Variants in OSBPL3 observed in about 807,000 individuals in gnomAD.
OSBPL3 encodes oxysterol-binding protein-related protein 3.
A neutral mutation model predicts 120.1 loss-of-function variants in OSBPL3; 65 were observed. The ratio of observed to expected loss-of-function variants is 0.54; its 90% CI spans 0.44 to 0.67. The LOEUF (loss-of-function observed/expected upper bound fraction) is 0.67. Ranked by LOEUF, OSBPL3 falls within the 30% of genes least tolerant of loss-of-function variation. The pLI, the probability that OSBPL3 is intolerant of heterozygous loss-of-function variation, is 0.00. For synonymous variants in OSBPL3, 416 were observed against 402.6 expected (o/e 1.03, Z -0.40); for missense variants, 1,004 against 1,082.1 (o/e 0.93, Z 1.01).
rs1351187905 is a variant in OSBPL3, at chr7:24,833,063, T to C, written c.1746+1423A>G. 2.0e-5 allele frequency among the ~76,000 whole-genome samples: 3 copies of C among 152,250 alleles called. No homozygotes were observed. The highest frequency in any genetic ancestry group is 4.4e-5 in the Non-Finnish European group (3 of 68,046). ...AAAGAAAAGAGCTGTCCACAAATGCTGACTTTTAACACTTGCTTAGAAGCT... is the reference window on the plus strand; with the variant it reads ...AAAGAAAAGAGCTGTCCACAAATGCCGACTTTTAACACTTGCTTAGAAGCT... On this transcript the variant is annotated intron_variant, in intron 15 of 22. Coordinates refer to ENST00000313367, the MANE Select transcript of OSBPL3 (RefSeq NM_015550.4). This position sits in a 1 kb window ranked among gnomAD's most constrained non-coding sequence, Gnocchi z 4.4.
intron 1 of OSBPL3, among the ~76,000 whole-genome samples, chr7:24,919,077 T>C (rs1252443227): frequency 1.3e-5 from 2 of 152,172 alleles, no homozygotes; most frequent in African/African-American, 2.4e-5. Flanking sequence ...ACCTTTTATA[T>C]AAATACCGAG....
At chr7:24,858,689 G>A (rs965576162) in intron 10 of OSBPL3, among the ~76,000 whole-genome samples, 2 of 152,184 alleles carry the variant, frequency 1.3e-5, no homozygotes, top group Non-Finnish European at 2.9e-5. Context: ...TGGCAGCTCT[G>A]CAGCCAGCAG....
chr7:24,837,594 C>T (rs1329171454), intron 14 of OSBPL3, among the ~76,000 whole-genome samples: 3 of 152,186 alleles, frequency 2.0e-5, no homozygotes, highest in Non-Finnish European at 4.4e-5. Context: ...GCTACTCCAC[C>T]GCCATCATCA....
chr7:24,923,454 G>C (rs1482195919), intron 1 of OSBPL3, among the ~76,000 whole-genome samples: 1 of 152,180 alleles, frequency 6.6e-6, no homozygotes, highest in Non-Finnish European at 1.5e-5. Flanking sequence ...GACACACAGG[G>C]ACCTAGGCAG....
chr7:24,928,231 A>G (rs540937255), intron 1 of OSBPL3, among the ~76,000 whole-genome samples: 39 of 139,912 alleles, frequency 2.8e-4, no homozygotes, highest in South Asian at 2.7e-3. Context: ...TCGCTCTGTC[A>G]CCCAGGCTGG....
Position 24,830,073 on chromosome 7 carries a change from G to T in OSBPL3, c.1884+695C>A, listed in dbSNP as rs185063560. Reference sequence around the variant, plus strand: ...TATGTAACTTGCCTTGGGTTATCATGCTAGTAAGAGGTAGAACTGAGGTAG... The same window carrying T: ...TATGTAACTTGCCTTGGGTTATCATTCTAGTAAGAGGTAGAACTGAGGTAG... On this transcript the variant is annotated intron_variant, in intron 16 of 22. Transcript: ENST00000313367. This position sits in a 1 kb window ranked among gnomAD's most constrained non-coding sequence, Gnocchi z 4.4. 6.6e-6 allele frequency among the ~76,000 whole-genome samples: 1 copy of T among 152,302 alleles called. No individual in the cohort carries two copies. The highest frequency in any genetic ancestry group is 1.9e-4 in the East Asian group (1 of 5,190).
At chr7:24,893,499 T>C (rs1805660592) in intron 1 of OSBPL3, among the ~76,000 whole-genome samples, 1 of 152,164 alleles carries the variant, frequency 6.6e-6, no homozygotes, top group Non-Finnish European at 1.5e-5. Flanking sequence ...CTACAGTTTC[T>C]TTTTGGTGTG....
chr7:24,932,018 C>G lies in OSBPL3; in HGVS notation c.-149-39397G>C, dbSNP rs574003624. ...ACCCCTTTGGGTCTCAGTGACTGATCTGTAAAACAAAACATGTAGACTAGA... is the reference window on the plus strand; with the variant it reads ...ACCCCTTTGGGTCTCAGTGACTGATGTGTAAAACAAAACATGTAGACTAGA... On this transcript the variant is annotated intron_variant, in intron 1 of 22. Coordinates refer to ENST00000313367, the MANE Select transcript of OSBPL3 (RefSeq NM_015550.4). The surrounding 1 kb of genome is among the most constrained non-coding windows in gnomAD (Gnocchi z 5.6). Among the ~76,000 whole-genome samples, 7 of 152,306 alleles carry G rather than the reference C, an allele frequency of 4.6e-5. No homozygotes were observed. Among genetic ancestry groups the G allele is most frequent in the Middle Eastern group, 3.4e-3 (1 of 294 alleles).
At chr7:24,842,560 C>T (rs574292844) in intron 12 of OSBPL3, 147 bp from the exon 13 acceptor site, 43 of 636,544 alleles carry the variant, frequency 6.8e-5, no homozygotes, top group Non-Finnish European at 1.0e-4. Context: ...CACTGAGATG[C>T]GAGCCTCATG....
At chr7:24,907,106 C>G (rs1232195191) in intron 1 of OSBPL3, among the ~76,000 whole-genome samples, 4 of 152,124 alleles carry the variant, frequency 2.6e-5, no homozygotes, top group African/African-American at 9.7e-5. Flanking sequence ...CTCATCACCC[C>G]CCAATGTGTT....
intron 1 of OSBPL3, among the ~76,000 whole-genome samples, chr7:24,915,333 T>C (rs1342396152): frequency 3.3e-5 from 5 of 152,240 alleles, no homozygotes; most frequent in Non-Finnish European, 5.9e-5. Context: ...AGTTCTATCA[T>C]TTCAGGCAAA....
chr7:24,921,165 T>C (rs1810333710), intron 1 of OSBPL3, among the ~76,000 whole-genome samples: 1 of 151,700 alleles, frequency 6.6e-6, no homozygotes, highest in Admixed American at 6.6e-5. Flanking sequence ...TTGCTCTATA[T>C]GCTTGCTTTA....
In OSBPL3 at chr7:24,863,424, T is replaced by G; in HGVS notation, c.777+72A>C. 7.2e-7 allele frequency: 1 copy of G among 1,398,254 alleles called. No individual in the cohort carries two copies. The allele number at this position is 1,398,254 out of a possible 1,614,324, so 86.6% of individuals were successfully genotyped here. ...GCAACTGACCACAGCATCCCACTGT[T>G]AGTGAAAGGCTGGGAGGAGAAAGGA... On this transcript the variant is annotated intron_variant, in intron 8 of 22. Transcript: ENST00000313367. This position sits in a 1 kb window ranked among gnomAD's most constrained non-coding sequence, Gnocchi z 5.8.
At position 24,968,294 on chromosome 7, in the gene OSBPL3, T is replaced by C. The variant is rs1816612473; in HGVS notation, c.-150+11592A>G. ...ATTTCCATGGTGTAAATACTCCCAC[T>C]GTGGCTGGCTTCAAACTACCAACAT... On this transcript the variant is annotated intron_variant, in intron 1 of 22. Coordinates refer to ENST00000313367, the MANE Select transcript of OSBPL3 (RefSeq NM_015550.4). The surrounding 1 kb of genome is among the most constrained non-coding windows in gnomAD (Gnocchi z 4.6). Among the ~76,000 whole-genome samples, 1 of 152,358 alleles carries C rather than the reference T, an allele frequency of 6.6e-6. No homozygotes were observed. Among genetic ancestry groups the C allele is most frequent in the South Asian group, 2.1e-4 (1 of 4,828 alleles).
rs1041455110 is a variant in OSBPL3 at position 24,821,286 on chromosome 7, G to A, written c.1885-1048C>T. ...CACCAATAGTCAGGGAAGAGGTAGC[G>A]GTAAGTCCCAGCAGTTTTGGTTTAC... On this transcript the variant is annotated intron_variant, in intron 16 of 22. Coordinates refer to ENST00000313367, the MANE Select transcript of OSBPL3 (RefSeq NM_015550.4). The surrounding 1 kb of genome is among the most constrained non-coding windows in gnomAD (Gnocchi z 5.5). Among the ~76,000 whole-genome samples, 33 of 152,280 alleles carry A rather than the reference G, an allele frequency of 2.2e-4. No individual in the cohort carries two copies. The highest frequency in any genetic ancestry group is 1.9e-3 in the Admixed American group (29 of 15,308).
intron 1 of OSBPL3, among the ~76,000 whole-genome samples, chr7:24,910,090 G>A (rs1397937717): frequency 1.3e-5 from 2 of 152,116 alleles, no homozygotes; most frequent in African/African-American, 4.8e-5. Context: ...ACAGGTGTGA[G>A]CCACCGTGGC....
In OSBPL3 at chr7:24,822,950, C is replaced by G. The variant is rs1275235360; in HGVS notation, c.1885-2712G>C. 2.6e-5 allele frequency among the ~76,000 whole-genome samples: 4 copies of G among 152,216 alleles called. No individual in the cohort carries two copies. The South Asian group carries it at 8.3e-4, about 32-fold the overall frequency. ...TTTGCTTATTTCTTTATGGCTTACA[C>G]AGGCCTTTGGGAATGGTTTATTTGG... is the stretch of plus-strand genomic sequence containing the variant. On this transcript the variant is annotated intron_variant, in intron 16 of 22. Transcript: ENST00000313367. The surrounding 1 kb of genome is among the most constrained non-coding windows in gnomAD (Gnocchi z 5.8).
At chr7:24,975,594 T>C (rs1297656914) in intron 1 of OSBPL3, among the ~76,000 whole-genome samples, 4 of 152,166 alleles carry the variant, frequency 2.6e-5, no homozygotes, top group Admixed American at 2.0e-4. Flanking sequence ...AATAGAAACC[T>C]AAGGAATACA....
chr7:24,917,566 A>G (rs1310881408), intron 1 of OSBPL3, among the ~76,000 whole-genome samples: 1 of 151,798 alleles, frequency 6.6e-6, no homozygotes, highest in African/African-American at 2.4e-5. Flanking sequence ...TAGAGAACAG[A>G]CACAGTCAGC....
Sources: allele counts gnomAD v4.1 joint callset (sites outside exome capture counted in the v4.1 genomes callset), GRCh38; gene constraint gnomAD v4.1.1; non-coding constraint Gnocchi (gnomAD v3.1); transcripts MANE v1.5; gene names NCBI Gene and HGNC (gene_info 2026-07-23, HGNC 2026-07-21).